The following ZNF609 variants were observed in gnomAD, a reference collection of about 807,000 sequenced individuals.
The protein encoded by ZNF609 is zinc finger protein 609.
ZNF609 carries 11 observed loss-of-function variants against 109.5 expected under a neutral mutation model. The observed-to-expected ratio is 0.10, with a 90% CI of 0.06 to 0.17. The LOEUF is 0.17. ZNF609 is among the 10% of genes least tolerant of loss of function. ZNF609 has a pLI of 1.00. For synonymous variants in ZNF609, 646 were observed against 662.0 expected, an observed-to-expected ratio of 0.98 and a Z score of 0.37; for missense variants, 1,559 against 1,772.4, an observed-to-expected ratio of 0.88 and a Z score of 2.16.
intron 1 of ZNF609, among the ~76,000 whole-genome samples, chr15:64,465,986 C>T (rs1893008345): frequency 1.3e-5 from 2 of 151,646 alleles, no homozygotes; most frequent in African/African-American, 4.8e-5. Flanking sequence ...CTTGGTGGTG[C>T]ACTCCTGTAA....
chr15:64,678,641 A>G (rs138968729), intron 6 of ZNF609, among the ~76,000 whole-genome samples, 159 bp downstream of exon 6: 30 of 152,266 alleles, frequency 2.0e-4, no homozygotes, highest in Admixed American at 9.2e-4. Context: ...GGCCACCATA[A>G]CCCATAGTTC....
Position 64,603,924 on chromosome 15 carries a change from G to A in ZNF609, c.748-18903G>A, listed in dbSNP as rs149407681. ...TGAGACAGAGAATTGCTTGAACCCGGGAGGTAAAGGTTGCAGTAAGCCGAG... is the reference window on the plus strand; with the variant it reads ...TGAGACAGAGAATTGCTTGAACCCGAGAGGTAAAGGTTGCAGTAAGCCGAG... On this transcript the variant is annotated intron_variant, in intron 2 of 9. Transcript: ENST00000326648. Among the ~76,000 whole-genome samples, 547 of 147,392 alleles carry A rather than the reference G, an allele frequency of 3.7e-3. 5 individuals carry two copies. Among genetic ancestry groups the A allele is most frequent in the African/African-American group, 0.013 (527 of 39,746 alleles).
intron 1 of ZNF609, among the ~76,000 whole-genome samples, chr15:64,487,468 G>C (rs916712174): frequency 6.6e-6 from 1 of 152,130 alleles, no homozygotes; most frequent in Non-Finnish European, 1.5e-5. Context: ...ATACAGATAT[G>C]TAACCACTAT....
intron 2 of ZNF609, among the ~76,000 whole-genome samples, chr15:64,568,735 T>C (rs977870893): frequency 6.6e-6 from 1 of 152,190 alleles, no homozygotes; most frequent in Non-Finnish European, 1.5e-5. Context: ...CACTGAACAT[T>C]TACTGAACAT....
At chr15:64,658,488 C>T (rs1039881475) in intron 3 of ZNF609, among the ~76,000 whole-genome samples, 7 of 151,798 alleles carry the variant, frequency 4.6e-5, no homozygotes, top group East Asian at 1.9e-4. Context: ...TGAGCCACCG[C>T]GTCCAGCCTA....
chr15:64,639,745 A>G (rs1203280711), intron 3 of ZNF609, among the ~76,000 whole-genome samples: 2 of 152,148 alleles, frequency 1.3e-5, no homozygotes, highest in Admixed American at 6.5e-5. Flanking sequence ...ACACAGTTCA[A>G]TTCATAAAAG....
chr15:64,602,572 G>A (rs1895517141), intron 2 of ZNF609, among the ~76,000 whole-genome samples: 1 of 151,804 alleles, frequency 6.6e-6, no homozygotes, highest in Non-Finnish European at 1.5e-5. Flanking sequence ...TTTCTTCCTG[G>A]ATTTACTCAT....
chr15:64,583,411 T>C (rs1895145164), intron 2 of ZNF609, among the ~76,000 whole-genome samples: 1 of 151,974 alleles, frequency 6.6e-6, no homozygotes, highest in South Asian at 2.1e-4. Flanking sequence ...GATAGTCCTG[T>C]TTTAGAAGCT....
intron 1 of ZNF609, among the ~76,000 whole-genome samples, chr15:64,474,596 A>G (rs966167095): frequency 6.6e-6 from 1 of 152,154 alleles, no homozygotes; most frequent in African/African-American, 2.4e-5. Flanking sequence ...ATTGCATACT[A>G]CATACAACTG....
chr15:64,483,636 T>C (rs1893289035), intron 1 of ZNF609, among the ~76,000 whole-genome samples: 1 of 152,150 alleles, frequency 6.6e-6, no homozygotes, highest in Non-Finnish European at 1.5e-5. Context: ...CCCTCCCACC[T>C]TGGCCTCCCA....
chr15:64,492,417 C>T (rs1893426075), intron 1 of ZNF609, among the ~76,000 whole-genome samples: 2 of 152,062 alleles, frequency 1.3e-5, no homozygotes, highest in Non-Finnish European at 2.9e-5. Context: ...TAAACATTTT[C>T]CTTTATTTTT....
At chr15:64,492,641 C>T (rs1279999007) in intron 1 of ZNF609, among the ~76,000 whole-genome samples, 1 of 152,166 alleles carries the variant, frequency 6.6e-6, no homozygotes, top group Non-Finnish European at 1.5e-5. Context: ...CTCGGCCTCC[C>T]AAAGTGCTGG....
intron 6 of ZNF609, 130 bp downstream of exon 6, chr15:64,678,612 C>CAGAA: frequency 2.3e-6 from 3 of 1,299,166 alleles, no homozygotes; most frequent in Non-Finnish European, 3.1e-6. Flanking sequence ...CCTTTTTTCA[C>CAGAA]TGAGTCATTC....
intron 2 of ZNF609, among the ~76,000 whole-genome samples, chr15:64,550,206 C>T (rs1264910682): frequency 6.6e-6 from 1 of 152,020 alleles, no homozygotes; most frequent in East Asian, 1.9e-4. Context: ...CCACCCACCT[C>T]AGCCTCCCAA....
At chr15:64,615,631 C>G in intron 2 of ZNF609, among the ~76,000 whole-genome samples, 1 of 149,282 alleles carries the variant, frequency 6.7e-6, no homozygotes, top group African/African-American at 2.5e-5. Flanking sequence ...GGATTATGGG[C>G]ATGCACCACC....
intron 2 of ZNF609, among the ~76,000 whole-genome samples, chr15:64,549,902 T>C (rs1595714993): frequency 6.6e-6 from 1 of 152,148 alleles, no homozygotes; most frequent in East Asian, 1.9e-4. Context: ...CCTCCTACAT[T>C]AGTCGCCCAA....
At chr15:64,609,062 A>ATTTT (rs3057836) in intron 2 of ZNF609, among the ~76,000 whole-genome samples, 1 of 105,954 alleles carries the variant, frequency 9.4e-6, no homozygotes, top group African/African-American at 3.7e-5. Flanking sequence ...TTTAGTTTTA[A>ATTTT]TTTTTCTTTC....
chr15:64,658,299 G>A (rs1896520610), intron 3 of ZNF609, among the ~76,000 whole-genome samples: 1 of 152,060 alleles, frequency 6.6e-6, no homozygotes, highest in Non-Finnish European at 1.5e-5. Flanking sequence ...CCAGGTTCAA[G>A]CAATTCTCCT....
Position 64,675,974 on chromosome 15 carries a change from G to C in ZNF609, c.3120G>C (p.Trp1040Cys), listed in dbSNP as rs1170298519. ...KEREAALKEE[W>C]KQKPSIPPTL... ...GGGAGGCAGCACTCAAGGAAGAGTGGAAGCAAAAGCCGTCAATTCCACCAA... is the reference window on the plus strand; with the variant it reads ...GGGAGGCAGCACTCAAGGAAGAGTGCAAGCAAAAGCCGTCAATTCCACCAA... The change falls in exon 5 of 10, where the codon TGG becomes TGC. Residue 1040 changes from tryptophan (W) to cysteine (C), a missense_variant. By Grantham distance (215) the Trp-to-Cys change is radical (BLOSUM62 -2). Coordinates refer to ENST00000326648, the MANE Select transcript of ZNF609 (RefSeq NM_015042.2). The C allele has an allele frequency of 2.5e-6, 4 of 1,614,076 alleles. No individual in the cohort carries two copies. In the African/African-American group the frequency reaches 5.3e-5, roughly 22 times the overall value.
Sources: gnomAD v4.1 joint callset for allele counts (sites outside exome capture counted in the v4.1 genomes callset) on GRCh38, gnomAD v4.1.1 for gene constraint, MANE v1.5 for transcripts, NCBI Gene and HGNC (gene_info 2026-07-23, HGNC 2026-07-21) for gene names.